Variants in GRIN2C observed in about 807,000 individuals in gnomAD.
GRIN2C encodes glutamate ionotropic receptor NMDA type subunit 2C.
GRIN2C carries 64 observed loss-of-function variants against 77.7 expected under a neutral mutation model. The ratio of observed to expected loss-of-function variants is 0.82; its 90% CI spans 0.67 to 1.01. GRIN2C has a LOEUF of 1.01. Among genes scored for constraint, GRIN2C ranks in the 50% least tolerant of loss-of-function variants. GRIN2C has a pLI of 0.00. For synonymous variants in GRIN2C, 792 were observed against 643.4 expected (o/e 1.23, Z -3.49); for missense variants, 1,549 against 1,486.0 (o/e 1.04, Z -0.70).
chr17:74,860,878 C>T, upstream of GRIN2C: 1 of 270,224 alleles, frequency 3.7e-6, no homozygotes. Context: ...GAGGCGAGTG[C>T]GCAGCAGGTG....
chr17:74,842,599 C>G lies in GRIN2C; in HGVS notation c.3538G>C (p.Gly1180Arg), dbSNP rs115230539. 3,942 of 766,564 alleles carry G rather than the reference C, an allele frequency of 5.1e-3. 88 individuals carry two copies. The African/African-American group carries it at 0.056, about 11-fold the overall frequency. The allele number at this position is 766,564 out of a possible 1,614,324, so 47.5% of individuals were successfully genotyped here. A position where few individuals can be genotyped will look rare whatever the true frequency, so the allele number is the denominator to read the frequency against. ...PCASHGSWLS[G>R]AWGPLGHRGR... ...CTGTGCCCCAGAGGCCCCCAGGCCC[C>G]GGAGAGCCAGGAGCCGTGGCTGGCA... The change falls in exon 13 of 13, where the codon GGG (glycine) becomes CGG (arginine). Residue 1180 changes from glycine (G) to arginine (R), a missense_variant. Gly to Arg is a moderately radical substitution (Grantham distance 125, BLOSUM62 -2). Around this residue, in one of 3 missense-constraint regions of GRIN2C, gnomAD observed 450 missense variants for 267.9 expected, o/e 1.68. Transcript: ENST00000293190.
Position 74,855,000 on chromosome 17 carries a change from C to T in GRIN2C, c.93G>A (p.Thr31=), listed in dbSNP as rs1269933440. 16 of 1,606,674 alleles carry T rather than the reference C, an allele frequency of 1.0e-5. No homozygotes were observed. Among genetic ancestry groups the T allele is most frequent in the Admixed American group, 3.3e-5 (2 of 59,956 alleles). The change falls in exon 2 of 13, where the codon ACG becomes ACA. Residue 31 remains threonine, a synonymous_variant. Transcript: ENST00000293190. ...LGPGQGEQGM[T]VAVVFSSSGP... ...CTGAGCTGCTAAACACCACGGCCAC[C>T]GTCATGCCCTGCTCGCCCTGCCCCG...
In GRIN2C at chr17:74,844,462, C is replaced by T. The variant is rs374337919; in HGVS notation, c.2397G>A (p.Gln799=). The stretch of plus-strand genomic sequence containing the variant: ...TGCTCATCACCTCGTTCTTCTCATT[C>T]TGGCAGATCCCTGAGAGCCACACTG... The part of the protein sequence containing the change: ...LETVWLSGIC[Q]NEKNEVMSSK... The change falls in exon 12 of 13, where the codon CAG becomes CAA. Residue 799 remains glutamine (Q), a synonymous_variant. Transcript: ENST00000293190. 3.2e-5 allele frequency: 51 copies of T among 1,614,102 alleles called. No homozygotes were observed. The African/African-American group carries it at 5.6e-4, about 18-fold the overall frequency.
In GRIN2C at chr17:74,847,008, A is replaced by C; in HGVS notation, c.2002-88T>G. 7.1e-7 allele frequency: 1 copy of C among 1,400,338 alleles called. No individual in the cohort carries two copies. Among genetic ancestry groups the C allele is most frequent in the Non-Finnish European group, 9.8e-7 (1 of 1,022,054 alleles). The allele number at this position is 1,400,338 out of a possible 1,614,324, so 86.7% of individuals were successfully genotyped here. A position where few individuals can be genotyped will look rare whatever the true frequency, so the allele number is the denominator to read the frequency against. On this transcript the variant is annotated intron_variant, in intron 9 of 12. Coordinates refer to ENST00000293190, the MANE Select transcript of GRIN2C (RefSeq NM_000835.6). The surrounding 1 kb of genome is among the most constrained non-coding windows in gnomAD (Gnocchi z 5.2). ...CAAACCCACCCCAGAGCCCAGCCCC[A>C]GTGTGGACTTGCATAGTCAGAGCAG...
rs772444475 is a variant in GRIN2C at position 74,843,430 on chromosome 17, T to C, written c.2707A>G (p.Met903Val). 4 of 1,535,782 alleles carry C rather than the reference T, an allele frequency of 2.6e-6. No individual in the cohort carries two copies. In the South Asian group the frequency reaches 3.6e-5, roughly 14 times the overall value. ...CTGCTTACGCCCGCCGTGGTCACCATGTCGCGGGCTGCCTGCAGCATCTTG... is the reference window on the plus strand; with the variant it reads ...CTGCTTACGCCCGCCGTGGTCACCACGTCGCGGGCTGCCTGCAGCATCTTG... ...VLKMLQAARD[M>V]VTTAGVSSSL... is the part of the protein sequence containing the mutation. Residue 903 changes from methionine to valine, a missense_variant, in exon 13 of 13, where the codon ATG becomes GTG. Met to Val is a conservative substitution (Grantham distance 21, BLOSUM62 1). Transcript: ENST00000293190.
At chr17:74,848,504 A>G (rs926523079) in intron 7 of GRIN2C, among the ~76,000 whole-genome samples, 1 of 152,230 alleles carries the variant, frequency 6.6e-6, no homozygotes, top group Admixed American at 6.5e-5. Flanking sequence ...GTTCGAGACC[A>G]GCCTGGCCAA....
intron 1 of GRIN2C, among the ~76,000 whole-genome samples, chr17:74,856,859 AAT>A (rs1345938850): frequency 1.3e-5 from 2 of 152,048 alleles, no homozygotes; most frequent in Non-Finnish European, 1.5e-5. Context: ...CTCTCTAAGG[AAT>A]CCAGAGAGCG....
At chr17:74,852,973 C>G (rs551786777) in intron 2 of GRIN2C, 80 of 213,482 alleles carry the variant, frequency 3.7e-4, no homozygotes, top group African/African-American at 1.7e-3. Flanking sequence ...TCCTTGAGCC[C>G]GCTAGACTGA....
chr17:74,846,095 T>C lies in GRIN2C; in HGVS notation c.2321A>G (p.Asp774Gly). 6 of 1,614,156 alleles carry C rather than the reference T, an allele frequency of 3.7e-6. No homozygotes were observed. The highest frequency in any genetic ancestry group is 1.1e-5 in the South Asian group (1 of 91,086). The change falls in exon 11 of 13, where the codon GAC (aspartate) becomes GGC (glycine). Residue 774 changes from aspartate to glycine, a missense_variant. Transcript: ENST00000293190. The surrounding 1 kb of genome is among the most constrained non-coding windows in gnomAD (Gnocchi z 4.4). ...CCCCAGGAACTGCAAGAGCGCCAGG[T>C]CTATGGCCCGCTTCCAGTGGGAGTC... is the stretch of plus-strand genomic sequence containing the variant. Reference protein sequence around the residue: ...QKDSHWKRAIDLALLQFLGDG... With the variant: ...QKDSHWKRAIGLALLQFLGDG...
rs755621550 is a variant in GRIN2C at position 74,847,852 on chromosome 17, T to C, written c.1771A>G (p.Lys591Glu). 6.2e-7 allele frequency: 1 copy of C among 1,613,926 alleles called. No homozygotes were observed. Among genetic ancestry groups the C allele is most frequent in the Admixed American group, 1.7e-5 (1 of 60,012 alleles). ...SYNQNLTRGK[K>E]SGGPAFTIGK... Reference sequence around the variant, plus strand: ...CCTGCCGGGCCCAGGCAAGGCTTACTCTTGCCTCTGGTGAGGTTCTGGTTG... The same window carrying C: ...CCTGCCGGGCCCAGGCAAGGCTTACCCTTGCCTCTGGTGAGGTTCTGGTTG... The change falls in exon 8 of 13, where the codon AAG (lysine) becomes GAG (glutamate). Residue 591 changes from lysine (K) to glutamate (E), a missense_variant and splice_region_variant. Coordinates refer to ENST00000293190, the MANE Select transcript of GRIN2C (RefSeq NM_000835.6). The surrounding 1 kb of genome is among the most constrained non-coding windows in gnomAD (Gnocchi z 5.2).
intron 1 of GRIN2C, among the ~76,000 whole-genome samples, chr17:74,855,983 G>T (rs560029433): frequency 3.5e-4 from 54 of 152,332 alleles, no homozygotes; most frequent in African/African-American, 1.2e-3. Context: ...GTGAGCTGGG[G>T]TTTGGTCTTG....
rs1359853358 is a variant in GRIN2C, at chr17:74,843,412, C to T, written c.2725G>A (p.Val909Ile). The T allele has an allele frequency of 2.6e-6, 4 of 1,535,860 alleles. No homozygotes were observed. The highest frequency in any genetic ancestry group is 2.7e-5 in the African/African-American group (2 of 72,970). Reference protein sequence around the residue: ...AARDMVTTAGVSSSLDRATRT... With the variant: ...AARDMVTTAGISSSLDRATRT... ...GTGGCGCGGTCCAGGGAGCTGCTTACGCCCGCCGTGGTCACCATGTCGCGG... is the reference window on the plus strand; with the variant it reads ...GTGGCGCGGTCCAGGGAGCTGCTTATGCCCGCCGTGGTCACCATGTCGCGG... The change falls in exon 13 of 13, where the codon GTA becomes ATA. Residue 909 changes from valine to isoleucine, a missense_variant. By Grantham distance (29) the Val-to-Ile change is conservative (BLOSUM62 3). This residue lies in a region of GRIN2C where 450 missense variants were observed against 267.9 expected (regional missense o/e 1.68). Coordinates refer to ENST00000293190, the MANE Select transcript of GRIN2C (RefSeq NM_000835.6).
chr17:74,852,874 C>T, intron 2 of GRIN2C: 1 of 387,744 alleles, frequency 2.6e-6, no homozygotes, highest in Non-Finnish European at 4.6e-6. Flanking sequence ...GTCAGAAATG[C>T]AGATTCTCAG....
rs187923219 is a variant in GRIN2C at position 74,855,235 on chromosome 17, C to T, written c.-15-128G>A. On this transcript the variant is annotated intron_variant, in intron 1 of 12. Coordinates refer to ENST00000293190, the MANE Select transcript of GRIN2C (RefSeq NM_000835.6). ...GAGAAGAGGGGAAAACCTCCCTCCC[C>T]GAAGAGAGGCGGAGAGAGAGGGAGA... 738 of 689,460 alleles carry T rather than the reference C, an allele frequency of 1.1e-3. 1 individual carries two copies. The highest frequency in any genetic ancestry group is 1.4e-3 in the Non-Finnish European group (608 of 431,074). The allele number at this position is 689,460 out of a possible 1,614,324, so 42.7% of individuals were successfully genotyped here.
intron 4 of GRIN2C, 35 bp downstream of exon 4, chr17:74,851,542 G>A: frequency 8.0e-7 from 1 of 1,252,598 alleles, no homozygotes; most frequent in South Asian, 1.3e-5. Context: ...AAAATAAGAG[G>A]ACACTGAGGG....
chr17:74,842,996 CG>C lies in GRIN2C; in HGVS notation c.3140del (p.Pro1047ArgfsTer164). On this transcript the variant is annotated frameshift_variant, in exon 13 of 13. Coordinates refer to ENST00000293190, the MANE Select transcript of GRIN2C (RefSeq NM_000835.6). LOFTEE classifies it low-confidence loss of function (END_TRUNC). ...RSGRPFLPLF[P>X]ELEDLPLLGP... ...CGAGCAGCGGCAGGTCCTCCAGCTC[CG>C]GGAAGAGCGGGAGGAAGGGGCGGCC... The C allele has an allele frequency of 1.9e-6, 1 of 518,866 alleles. No individual in the cohort carries two copies. Among genetic ancestry groups the C allele is most frequent in the Non-Finnish European group, 3.4e-6 (1 of 293,958 alleles). The allele number at this position is 518,866 out of a possible 1,614,324, so 32.1% of individuals were successfully genotyped here. A position where few individuals can be genotyped will look rare whatever the true frequency, so the allele number is the denominator to read the frequency against.
rs377066872 is a variant in GRIN2C at position 74,846,297 on chromosome 17, G to T, written c.2163-44C>A. 31 of 1,571,690 alleles carry T rather than the reference G, an allele frequency of 2.0e-5. No individual in the cohort carries two copies. The highest frequency in any genetic ancestry group is 2.4e-5 in the Non-Finnish European group (28 of 1,143,882). The stretch of plus-strand genomic sequence containing the variant: ...TCAGAGCTAGGGACCATATGGGAGG[G>T]GAGGGGACACCGAAACTGGGGCGTG... On this transcript the variant is annotated intron_variant, in intron 10 of 12. Coordinates refer to ENST00000293190, the MANE Select transcript of GRIN2C (RefSeq NM_000835.6). This position sits in a 1 kb window ranked among gnomAD's most constrained non-coding sequence, Gnocchi z 4.4.
At position 74,846,594 on chromosome 17, in the gene GRIN2C, G is replaced by C. The variant is rs2144559950; in HGVS notation, c.2162+166C>G. Among the ~76,000 whole-genome samples the C allele has an allele frequency of 6.6e-6, 1 of 152,312 alleles. No individual in the cohort carries two copies. The highest frequency in any genetic ancestry group is 6.5e-5 in the Admixed American group (1 of 15,300). On this transcript the variant is annotated intron_variant, in intron 10 of 12. Coordinates refer to ENST00000293190, the MANE Select transcript of GRIN2C (RefSeq NM_000835.6). The surrounding 1 kb of genome is among the most constrained non-coding windows in gnomAD (Gnocchi z 4.4). ...CAGCTGTGTTCTGAGACACATGGTGGCCTTCCATTTTTGCCTCAAGCTCCA... is the reference window on the plus strand; with the variant it reads ...CAGCTGTGTTCTGAGACACATGGTGCCCTTCCATTTTTGCCTCAAGCTCCA...
chr17:74,860,491 A>G (rs958689592), upstream of GRIN2C: 3 of 456,520 alleles, frequency 6.6e-6, no homozygotes, highest in Non-Finnish European at 4.4e-6. Context: ...CTGGGGGTTC[A>G]GGTTGCCGGG....
Sources: gnomAD v4.1 joint callset for allele counts (sites outside exome capture counted in the v4.1 genomes callset) on GRCh38, gnomAD v4.1.1 for gene constraint, gnomAD v4.1.1 regional missense constraint, Gnocchi (gnomAD v3.1) non-coding constraint, MANE v1.5 for transcripts, NCBI Gene and HGNC (gene_info 2026-07-23, HGNC 2026-07-21) for gene names.